The following RGPD4 variants were observed in gnomAD, a reference collection of about 807,000 sequenced individuals.
The protein encoded by RGPD4 is ranBP2-like and GRIP domain-containing protein 4.
A neutral mutation model predicts 141.1 loss-of-function variants in RGPD4; 84 were observed. The ratio of observed to expected loss-of-function variants is 0.60; its 90% CI spans 0.50 to 0.71. The LOEUF (loss-of-function observed/expected upper bound fraction) is 0.71. RGPD4 is among the 30% of genes least tolerant of loss of function. The pLI is 0.00. For missense variants in RGPD4, 918 were observed against 1,622.4 expected, an observed-to-expected ratio of 0.57 and a Z score of 7.46; for synonymous variants, 298 against 566.8, an observed-to-expected ratio of 0.53 and a Z score of 6.74.
chr2:107,883,761 G>C (rs555324173), intron 22 of RGPD4, among the ~76,000 whole-genome samples: 1 of 151,654 alleles, frequency 6.6e-6, no homozygotes, highest in South Asian at 2.1e-4. Flanking sequence ...CTGAATTCAA[G>C]CTGTATCTTA....
chr2:107,829,918 C>T (rs555348012), intron 1 of RGPD4, among the ~76,000 whole-genome samples: 6,398 of 151,972 alleles, frequency 0.042, 461 homozygotes, highest in African/African-American at 0.14. Context: ...GGAGGTCGTA[C>T]CTCCTTGGCC....
intron 7 of RGPD4, among the ~76,000 whole-genome samples, chr2:107,854,269 G>A (rs530648569): frequency 6.7e-6 from 1 of 149,540 alleles, no homozygotes; most frequent in Non-Finnish European, 1.5e-5. Context: ...TCACCATGTT[G>A]GCCAGGCTGG....
At chr2:107,878,283 A>T (rs1423996543) in intron 20 of RGPD4, among the ~76,000 whole-genome samples, 1 of 151,712 alleles carries the variant, frequency 6.6e-6, no homozygotes, top group Non-Finnish European at 1.5e-5. Context: ...TTTAAAAAAA[A>T]TCTAATAGGC....
Position 107,826,906 on chromosome 2 carries a change from C to G in RGPD4, c.-108C>G. 1 of 1,544,036 alleles carries G rather than the reference C, an allele frequency of 6.5e-7. No individual in the cohort carries two copies. Among genetic ancestry groups the G allele is most frequent in the Admixed American group, 2.0e-5 (1 of 50,516 alleles). ...ACAAGTTCGTCACAGTGGTCCTCCG[C>G]CGGCTACGCGGAGTCAGTGGCTTTC... On this transcript the variant is annotated 5_prime_UTR_variant, in exon 1 of 23. Coordinates refer to ENST00000408999, the MANE Select transcript of RGPD4 (RefSeq NM_182588.3).
At chr2:107,880,679 C>T (rs1258003952) in intron 21 of RGPD4, among the ~76,000 whole-genome samples, 3 of 148,926 alleles carry the variant, frequency 2.0e-5, no homozygotes, top group South Asian at 4.3e-4. Flanking sequence ...TTCACATATG[C>T]TTAAATAAAA....
Position 107,858,462 on chromosome 2 carries a change from A to G in RGPD4, c.1277-652A>G, listed in dbSNP as rs527418783. On this transcript the variant is annotated intron_variant, in intron 9 of 22. Transcript: ENST00000408999. ...TCTTTTCTTTTCTTTTTTTTGAGAC[A>G]GAGTCTCACTCTGTCACCCAGGCTG... 2.9e-3 allele frequency among the ~76,000 whole-genome samples: 343 copies of G among 118,784 alleles called. 1 individual carries two copies. Among genetic ancestry groups the G allele is most frequent in the Admixed American group, 9.7e-3 (111 of 11,482 alleles). 77.9% of individuals were successfully genotyped at this position (118,784 alleles called of 152,430 possible).
chr2:107,828,753 C>G lies in RGPD4; in HGVS notation c.72+1668C>G, dbSNP rs200714798. 1.0e-4 allele frequency among the ~76,000 whole-genome samples: 3 copies of G among 29,554 alleles called. 1 individual carries two copies. The East Asian group carries it at 1.2e-3, about 12-fold the overall frequency. The allele number at this position is 29,554 out of a possible 152,430, so 19.4% of individuals were successfully genotyped here. A position where few individuals can be genotyped will look rare whatever the true frequency, so the allele number is the denominator to read the frequency against. ...CCTCGACCTGGCCCGGCGGCTGCCT[C>G]GATGGCTCAGGCATCATGGCTCCTG... is the stretch of plus-strand genomic sequence containing the variant. On this transcript the variant is annotated intron_variant, in intron 1 of 22. Coordinates refer to ENST00000408999, the MANE Select transcript of RGPD4 (RefSeq NM_182588.3).
chr2:107,829,741 T>A (rs1287857527), intron 1 of RGPD4, among the ~76,000 whole-genome samples: 1 of 152,022 alleles, frequency 6.6e-6, no homozygotes, highest in East Asian at 1.9e-4. Context: ...TCTCCCGGCT[T>A]GTTCCCGACG....
At position 107,836,088 on chromosome 2, in the gene RGPD4, T is replaced by TATG. The variant is rs1199934998; in HGVS notation, c.73-495_73-493dup. Among the ~76,000 whole-genome samples the TATG allele has an allele frequency of 2.4e-3, 75 of 31,520 alleles. 2 individuals are homozygous for TATG. Among genetic ancestry groups the TATG allele is most frequent in the African/African-American group, 9.2e-3 (66 of 7,170 alleles). The allele number at this position is 31,520 out of a possible 152,430, so 20.7% of individuals were successfully genotyped here. On this transcript the variant is annotated intron_variant, in intron 1 of 22. Transcript: ENST00000408999. Reference sequence around the variant, plus strand: ...TGTGACCAACTGCACCCAGCTTATTTATGATGATGATGATGATGATGTTTG... The same window carrying TATG: ...TGTGACCAACTGCACCCAGCTTATTTATGATGATGATGATGATGATGATGTTTG...
At position 107,890,818 on chromosome 2, in the gene RGPD4, C is replaced by T. The variant is rs971440946; in HGVS notation, c.*87C>T. ...TTGATGGAAGGAATATTTTTATTAA[C>T]CAAATAAAATCTATTTACAAAAATG... On this transcript the variant is annotated 3_prime_UTR_variant, in exon 23 of 23. Transcript: ENST00000408999. The T allele has an allele frequency of 5.1e-6, 8 of 1,557,994 alleles. No individual in the cohort carries two copies. Among genetic ancestry groups the T allele is most frequent in the Middle Eastern group, 1.7e-4 (1 of 5,850 alleles).
At chr2:107,827,613 C>T (rs1198512057) in intron 1 of RGPD4, among the ~76,000 whole-genome samples, 1 of 59,014 alleles carries the variant, frequency 1.7e-5, no homozygotes, top group Non-Finnish European at 3.5e-5. Flanking sequence ...GCGGCGGCCT[C>T]GATGGCTCAG....
intron 1 of RGPD4, among the ~76,000 whole-genome samples, chr2:107,831,210 C>A (rs1168392863): frequency 1.4e-5 from 2 of 142,086 alleles, no homozygotes; most frequent in Non-Finnish European, 3.2e-5. Context: ...ATATATAATT[C>A]TTTCTCTAGT....
chr2:107,826,954 G>A lies in RGPD4; in HGVS notation c.-60G>A. ...TTCAGGCGCTTTCCTGTTGGAATTGGCGACTGCTGCGGGGCTGAGCGCTGG... is the reference window on the plus strand; with the variant it reads ...TTCAGGCGCTTTCCTGTTGGAATTGACGACTGCTGCGGGGCTGAGCGCTGG... On this transcript the variant is annotated 5_prime_UTR_variant, in exon 1 of 23. Transcript: ENST00000408999. The A allele has an allele frequency of 1.3e-6, 2 of 1,556,804 alleles. No homozygotes were observed. The highest frequency in any genetic ancestry group is 2.4e-5 in the South Asian group (2 of 84,524).
chr2:107,834,481 A>G (rs1460574609), intron 1 of RGPD4, among the ~76,000 whole-genome samples: 2 of 152,128 alleles, frequency 1.3e-5, no homozygotes, highest in African/African-American at 4.8e-5. Context: ...CCTACCCAGG[A>G]CACGAATCAT....
Position 107,887,174 on chromosome 2 carries a change from C to T in RGPD4, c.5267-3547C>T, listed in dbSNP as rs2919201. Among the ~76,000 whole-genome samples, 23 of 151,940 alleles carry T rather than the reference C, an allele frequency of 1.5e-4. No individual in the cohort carries two copies. In the South Asian group the frequency reaches 4.0e-3, roughly 26 times the overall value. On this transcript the variant is annotated intron_variant, in intron 22 of 22. Coordinates refer to ENST00000408999, the MANE Select transcript of RGPD4 (RefSeq NM_182588.3). ...GCAGGATTCTTTGTTATAAGGAGTT[C>T]GAGGCTGCAGTCGAACTTCTGGTCG... is the stretch of plus-strand genomic sequence containing the variant.
At position 107,891,870 on chromosome 2, in the gene RGPD4, C is replaced by A. The variant is rs1232080805; in HGVS notation, c.*1139C>A. Among the ~76,000 whole-genome samples, 2 of 121,628 alleles carry A rather than the reference C, an allele frequency of 1.6e-5. No individual in the cohort carries two copies. Among genetic ancestry groups the A allele is most frequent in the African/African-American group, 6.1e-5 (2 of 32,944 alleles). The allele number at this position is 121,628 out of a possible 152,430, so 79.8% of individuals were successfully genotyped here. A position where few individuals can be genotyped will look rare whatever the true frequency, so the allele number is the denominator to read the frequency against. ...GACACCTTAGAGGTCCGTGCTACAT[C>A]TTCACAGTTCCTCTGAATAACCTTA... On this transcript the variant is annotated 3_prime_UTR_variant, in exon 23 of 23. Coordinates refer to ENST00000408999, the MANE Select transcript of RGPD4 (RefSeq NM_182588.3).
intron 21 of RGPD4, among the ~76,000 whole-genome samples, chr2:107,881,370 T>C (rs1389388429): frequency 6.6e-6 from 1 of 151,588 alleles, no homozygotes; most frequent in Non-Finnish European, 1.5e-5. Flanking sequence ...AGGTTTGGAG[T>C]GCAGTGGTGC....
At chr2:107,834,624 G>A (rs1326916346) in intron 1 of RGPD4, among the ~76,000 whole-genome samples, 2 of 151,342 alleles carry the variant, frequency 1.3e-5, no homozygotes, top group African/African-American at 2.4e-5. Context: ...ATTTAAAATG[G>A]CACCAAAGAG....
chr2:107,866,869 A>G (rs1418612340), intron 18 of RGPD4, among the ~76,000 whole-genome samples: 1 of 146,820 alleles, frequency 6.8e-6, no homozygotes, highest in East Asian at 2.0e-4. Flanking sequence ...TTACATAATT[A>G]CTATGAGCAT....
Sources: gnomAD v4.1 joint callset for allele counts (sites outside exome capture counted in the v4.1 genomes callset) on GRCh38, gnomAD v4.1.1 for gene constraint, MANE v1.5 for transcripts, NCBI Gene and HGNC (gene_info 2026-07-23, HGNC 2026-07-21) for gene names.